The following TMEM217B variants were observed in gnomAD, a reference collection of about 807,000 sequenced individuals.
TMEM217B encodes putative transmembrane protein 217B.
chr6:37,252,279 G>A, the TMEM217B span, among the ~76,000 whole-genome samples: 268 of 152,174 alleles, frequency 1.8e-3, 1 homozygote, highest in Non-Finnish European at 1.9e-3. Context: ...TTTCAATGTG[G>A]ATAAAATAAG....
At chr6:37,252,805 A>T in the TMEM217B span, among the ~76,000 whole-genome samples, 13 of 151,222 alleles carry the variant, frequency 8.6e-5, no homozygotes, top group Admixed American at 8.6e-4. Flanking sequence ...CACTCCACTA[A>T]TTTTTTGTAT....
At chr6:37,213,496 G>A in the TMEM217B span, among the ~76,000 whole-genome samples, 29 of 152,348 alleles carry the variant, frequency 1.9e-4, no homozygotes, top group African/African-American at 6.3e-4. Flanking sequence ...CCTGGGCATG[G>A]CCCAGCCTTG....
the TMEM217B span, among the ~76,000 whole-genome samples, chr6:37,256,103 G>A: frequency 2.0e-5 from 3 of 152,200 alleles, no homozygotes; most frequent in African/African-American, 7.2e-5. Context: ...TCAATAGGGA[G>A]CAGCTTCTGG....
chr6:37,218,503 G>C, the TMEM217B span: 2 of 1,613,954 alleles, frequency 1.2e-6, no homozygotes, highest in Non-Finnish European at 1.7e-6. Flanking sequence ...TATTTCTGCT[G>C]TGGAGAATCT....
At chr6:37,240,605 G>A in the TMEM217B span, among the ~76,000 whole-genome samples, 1 of 152,176 alleles carries the variant, frequency 6.6e-6, no homozygotes, top group South Asian at 2.1e-4. Flanking sequence ...CCCTGCAGGG[G>A]ACTATGGGGA....
the TMEM217B span, among the ~76,000 whole-genome samples, chr6:37,256,945 T>C: frequency 6.6e-6 from 1 of 152,202 alleles, no homozygotes; most frequent in Non-Finnish European, 1.5e-5. Flanking sequence ...TCTGGGAAAA[T>C]TAGATTGAAA....
the TMEM217B span, among the ~76,000 whole-genome samples, chr6:37,246,184 C>T: frequency 1.7e-4 from 26 of 152,178 alleles, no homozygotes; most frequent in Non-Finnish European, 3.5e-4. Context: ...TCCTCTAATT[C>T]TCTCCTGCAG....
At chr6:37,250,024 A>T in the TMEM217B span, among the ~76,000 whole-genome samples, 10 of 152,248 alleles carry the variant, frequency 6.6e-5, no homozygotes, top group Non-Finnish European at 1.5e-4. Flanking sequence ...CAGTAGTAGC[A>T]TAGATAAAAT....
chr6:37,227,722 T>A, the TMEM217B span, among the ~76,000 whole-genome samples: 4 of 152,094 alleles, frequency 2.6e-5, no homozygotes, highest in Non-Finnish European at 4.4e-5. Context: ...GTGCTGGGAT[T>A]ACAGGTATGA....
chr6:37,219,039 C>T, the TMEM217B span: 2 of 1,608,856 alleles, frequency 1.2e-6, no homozygotes. Flanking sequence ...ATGCTGAGAC[C>T]TCCTGTGAAG....
chr6:37,213,941 C>T, the TMEM217B span, among the ~76,000 whole-genome samples: 1 of 152,194 alleles, frequency 6.6e-6, no homozygotes, highest in Non-Finnish European at 1.5e-5. Context: ...GGGCTGTCCT[C>T]AGGCTGACGA....
chr6:37,252,635 ATATTTT>A, the TMEM217B span, among the ~76,000 whole-genome samples: 2,265 of 59,914 alleles, frequency 0.038, 9 homozygotes, highest in Middle Eastern at 0.11. Flanking sequence ...ATATATATAT[ATATTTT>A]TTTTTTTTTT....
chr6:37,238,011 G>A, the TMEM217B span, among the ~76,000 whole-genome samples: 1 of 151,940 alleles, frequency 6.6e-6, no homozygotes, highest in Non-Finnish European at 1.5e-5. Flanking sequence ...ATTTTATTTT[G>A]GACAGGGGAT....
At chr6:37,228,773 G>A in the TMEM217B span, among the ~76,000 whole-genome samples, 1 of 151,864 alleles carries the variant, frequency 6.6e-6, no homozygotes, top group Non-Finnish European at 1.5e-5. Context: ...CGAGGCAGGC[G>A]GATCACAAGG....
chr6:37,222,380 G>T, the TMEM217B span, among the ~76,000 whole-genome samples: 1 of 152,228 alleles, frequency 6.6e-6, no homozygotes, highest in East Asian at 1.9e-4. Flanking sequence ...GGATTGGAGA[G>T]AGGCCAGGCA....
At chr6:37,252,018 C>G in the TMEM217B span, among the ~76,000 whole-genome samples, 1 of 152,048 alleles carries the variant, frequency 6.6e-6, no homozygotes, top group Non-Finnish European at 1.5e-5. Context: ...CTCAGCCTCC[C>G]GAGTAGCTGG....
At chr6:37,229,315 C>T in the TMEM217B span, among the ~76,000 whole-genome samples, 1 of 145,000 alleles carries the variant, frequency 6.9e-6, no homozygotes, top group Non-Finnish European at 1.5e-5. Flanking sequence ...AAATCTGACT[C>T]GTCTCCCTAG....
At chr6:37,219,169 A>G in the TMEM217B span, 1 of 823,022 alleles carries the variant, frequency 1.2e-6, no homozygotes, top group Non-Finnish European at 1.9e-6. Context: ...CTGGGAAACT[A>G]TAGCCTTGGG....
At chr6:37,225,009 TA>T in the TMEM217B span, among the ~76,000 whole-genome samples, 227 of 132,202 alleles carry the variant, frequency 1.7e-3, 1 homozygote, top group South Asian at 0.014. Context: ...CCCATCTCTA[TA>T]AAAAAAAAAA....
Sources: allele counts gnomAD v4.1 joint callset (sites outside exome capture counted in the v4.1 genomes callset), GRCh38; gene constraint gnomAD v4.1.1; transcripts MANE v1.5; gene names NCBI Gene and HGNC (gene_info 2026-07-23, HGNC 2026-07-21).